PRKCA: variants seen among roughly 807,000 people sequenced by gnomAD.
PRKCA encodes protein kinase C alpha.
PRKCA carries 27 observed loss-of-function variants against 87.0 expected under a neutral mutation model. The observed-to-expected ratio is 0.31, with a 90% confidence interval of 0.23 to 0.43. The LOEUF (loss-of-function observed/expected upper bound fraction) is 0.43. PRKCA is among the 20% of genes least tolerant of loss of function. PRKCA has a pLI of 1.00. For missense variants in PRKCA, 518 were observed against 852.3 expected (o/e 0.61, Z 4.88); for synonymous variants, 329 against 311.1 (o/e 1.06, Z -0.61).
intron 2 of PRKCA, among the ~76,000 whole-genome samples, chr17:66,464,462 T>A (rs1264290592): frequency 6.6e-6 from 1 of 152,204 alleles, no homozygotes; most frequent in Non-Finnish European, 1.5e-5. Flanking sequence ...TCTTCCAAAG[T>A]GGCTGTACCA....
chr17:66,510,421 T>G (rs1396502709), intron 3 of PRKCA, among the ~76,000 whole-genome samples: 1 of 152,158 alleles, frequency 6.6e-6, no homozygotes, highest in African/African-American at 2.4e-5. Context: ...TAAATGTTGG[T>G]AGGAAAAACT....
intron 8 of PRKCA, among the ~76,000 whole-genome samples, chr17:66,691,355 A>G (rs1025330425): frequency 6.6e-6 from 1 of 151,656 alleles, no homozygotes; most frequent in Non-Finnish European, 1.5e-5. Context: ...CTATTTGTCT[A>G]TCTATCAATA....
chr17:66,424,596 C>T (rs934853236), intron 2 of PRKCA, among the ~76,000 whole-genome samples: 3 of 151,754 alleles, frequency 2.0e-5, no homozygotes, highest in Admixed American at 1.3e-4. Context: ...CACACACACA[C>T]ACATCTTTGA....
chr17:66,607,991 ACTTT>A (rs1351380147), intron 3 of PRKCA, among the ~76,000 whole-genome samples: 1 of 152,152 alleles, frequency 6.6e-6, no homozygotes, highest in Non-Finnish European at 1.5e-5. Flanking sequence ...CAAGTTTGGA[ACTTT>A]CTGAGTGGGT....
chr17:66,760,691 G>A (rs906558570), intron 13 of PRKCA, among the ~76,000 whole-genome samples: 4 of 152,054 alleles, frequency 2.6e-5, no homozygotes, highest in African/African-American at 9.7e-5. Context: ...AAATGAAAGA[G>A]GACATCACTA....
chr17:66,775,683 T>C, intron 14 of PRKCA: 2 of 985,452 alleles, frequency 2.0e-6, no homozygotes, highest in Non-Finnish European at 2.4e-6. Flanking sequence ...CCCAAAGACA[T>C]CTTTGTTTCT....
At chr17:66,525,948 A>C (rs1326638521) in intron 3 of PRKCA, among the ~76,000 whole-genome samples, 1 of 152,174 alleles carries the variant, frequency 6.6e-6, no homozygotes, top group Non-Finnish European at 1.5e-5. Context: ...AATACTTCCT[A>C]TAAATAAACA....
At chr17:66,594,587 A>G (rs1969915775) in intron 3 of PRKCA, among the ~76,000 whole-genome samples, 1 of 150,534 alleles carries the variant, frequency 6.6e-6, no homozygotes, top group South Asian at 2.1e-4. Flanking sequence ...TCACAGGACA[A>G]TCATCTTCAT....
At chr17:66,638,110 AT>A (rs1971191871) in intron 3 of PRKCA, among the ~76,000 whole-genome samples, 1 of 76,230 alleles carries the variant, frequency 1.3e-5, no homozygotes. Context: ...TGTTTCTAAA[AT>A]ATATATATAT....
intron 2 of PRKCA, among the ~76,000 whole-genome samples, chr17:66,331,743 G>A (rs972567146): frequency 3.3e-5 from 5 of 152,190 alleles, no homozygotes; most frequent in East Asian, 1.9e-4. Context: ...TGGAGCGACC[G>A]AGAGAAGGGT....
At chr17:66,606,428 C>A (rs1476289328) in intron 3 of PRKCA, among the ~76,000 whole-genome samples, 7 of 151,922 alleles carry the variant, frequency 4.6e-5, no homozygotes, top group Non-Finnish European at 8.8e-5. Flanking sequence ...CAAAGAAATA[C>A]CAGGAGACAG....
chr17:66,676,707 A>G (rs1352487318), intron 5 of PRKCA: 2 of 152,272 alleles, frequency 1.3e-5, no homozygotes, highest in Non-Finnish European at 2.9e-5. Context: ...GGAGGCTGTG[A>G]GTCATGTTTG....
At chr17:66,533,965 C>CT (rs1196572248) in intron 3 of PRKCA, among the ~76,000 whole-genome samples, 1 of 151,968 alleles carries the variant, frequency 6.6e-6, no homozygotes, top group Non-Finnish European at 1.5e-5. Context: ...GGAGCCCTGC[C>CT]TTTTGGAGGA....
At chr17:66,530,054 C>A (rs1967485995) in intron 3 of PRKCA, among the ~76,000 whole-genome samples, 2 of 152,114 alleles carry the variant, frequency 1.3e-5, no homozygotes, top group Admixed American at 1.3e-4. Flanking sequence ...ATAGAATGCA[C>A]CCTTAACAGT....
intron 16 of PRKCA, among the ~76,000 whole-genome samples, chr17:66,798,434 ACGG>A (rs1568040849): frequency 0.023 from 440 of 19,542 alleles, no homozygotes; most frequent in African/African-American, 0.056. Context: ...GGTGGTGGTG[ACGG>A]TGGTGGTGGT....
chr17:66,327,109 G>A (rs529504068), intron 2 of PRKCA, among the ~76,000 whole-genome samples: 4 of 151,804 alleles, frequency 2.6e-5, no homozygotes, highest in African/African-American at 4.8e-5. Context: ...GGTGGCTCAC[G>A]CCTGTAATCT....
chr17:66,642,994 T>C (rs556359197), intron 4 of PRKCA, among the ~76,000 whole-genome samples: 1 of 152,154 alleles, frequency 6.6e-6, no homozygotes, highest in South Asian at 2.1e-4. Context: ...GAGCCAAGAT[T>C]GTGCCATTGC....
intron 2 of PRKCA, among the ~76,000 whole-genome samples, chr17:66,336,751 AGTTTGT>A (rs1345416682): frequency 1.6e-4 from 19 of 116,360 alleles, no homozygotes; most frequent in African/African-American, 6.1e-4. Flanking sequence ...CCTGCAAATA[AGTTTGT>A]GTGTGTGTGT....
chr17:66,409,993 T>C (rs546310558), intron 2 of PRKCA, among the ~76,000 whole-genome samples: 1 of 152,182 alleles, frequency 6.6e-6, no homozygotes, highest in African/African-American at 2.4e-5. Flanking sequence ...ATCATCTACT[T>C]TGTTCACTCG....
Sources: allele counts gnomAD v4.1 joint callset (sites outside exome capture counted in the v4.1 genomes callset), GRCh38; gene constraint gnomAD v4.1.1; transcripts MANE v1.5; gene names NCBI Gene and HGNC (gene_info 2026-07-23, HGNC 2026-07-21).